The following CDH19 variants were observed in gnomAD, a reference collection of about 807,000 sequenced individuals.
The protein encoded by CDH19 is cadherin-19.
A neutral mutation model predicts 64.2 loss-of-function variants in CDH19; 67 were observed. The ratio of observed to expected loss-of-function variants is 1.04; its 90% CI spans 0.86 to 1.28. The LOEUF (loss-of-function observed/expected upper bound fraction) is 1.28. Ranked by LOEUF, CDH19 falls within the 50% of genes most tolerant of loss-of-function variation. The pLI is 0.00. For missense variants in CDH19, 1,030 were observed against 929.0 expected (o/e 1.11, Z -1.41); for synonymous variants, 346 against 319.3 (o/e 1.08, Z -0.89).
At chr18:66,567,482 G>A (rs1453503357) in intron 3 of CDH19, among the ~76,000 whole-genome samples, 1 of 151,662 alleles carries the variant, frequency 6.6e-6, no homozygotes, top group East Asian at 1.9e-4. Context: ...TATTACACAG[G>A]CAAATTTGTT....
At chr18:66,580,736 G>A (rs1197277482) in intron 1 of CDH19, among the ~76,000 whole-genome samples, 2 of 151,780 alleles carry the variant, frequency 1.3e-5, no homozygotes, top group Non-Finnish European at 2.9e-5. Context: ...TAATTCTAAG[G>A]AAAAAGCCCT....
intron 10 of CDH19, among the ~76,000 whole-genome samples, chr18:66,510,617 AATAAT>A (rs888774096): frequency 1.4e-5 from 2 of 147,360 alleles, no homozygotes; most frequent in African/African-American, 4.9e-5. Flanking sequence ...TAATAATAAT[AATAAT>A]AATAATACAT....
chr18:66,548,561 T>G (rs1987224813), intron 5 of CDH19, among the ~76,000 whole-genome samples: 1 of 152,074 alleles, frequency 6.6e-6, no homozygotes, highest in South Asian at 2.1e-4. Flanking sequence ...AATGGAGCAT[T>G]AAGGTTTTCA....
rs1429366066 is a variant in CDH19 at position 66,503,535 on chromosome 18, G to A, written c.*1277C>T. 6.6e-6 allele frequency: 1 copy of A among 151,408 alleles called. No homozygotes were observed. Among genetic ancestry groups the A allele is most frequent in the Non-Finnish European group, 1.5e-5 (1 of 67,742 alleles). The allele number at this position is 151,408 out of a possible 1,614,324, so 9.4% of individuals were successfully genotyped here. A position where few individuals can be genotyped will look rare whatever the true frequency, so the allele number is the denominator to read the frequency against. ...GTTGTCTAAATAATTTTTAGTAGAG[G>A]TAAAAATTTACTTAAATTTTTCCAC... On this transcript the variant is annotated 3_prime_UTR_variant, in exon 12 of 12. Transcript: ENST00000262150.
intron 5 of CDH19, among the ~76,000 whole-genome samples, chr18:66,547,680 T>A: frequency 7.1e-6 from 1 of 141,140 alleles, no homozygotes; most frequent in African/African-American, 2.7e-5. Context: ...TTTTTTTTTT[T>A]TTTTTGAGAC....
intron 2 of CDH19, 110 bp from the exon 3 acceptor site, chr18:66,568,820 T>C: frequency 1.1e-6 from 1 of 872,476 alleles, no homozygotes; most frequent in Non-Finnish European, 1.7e-6. Context: ...AATGATTTTA[T>C]ATTATTTCCA....
intron 1 of CDH19, among the ~76,000 whole-genome samples, chr18:66,584,768 C>T (rs1381970057): frequency 6.6e-6 from 1 of 152,038 alleles, no homozygotes; most frequent in African/African-American, 2.4e-5. Flanking sequence ...TATTACTTTC[C>T]TGTGTGTTTG....
At chr18:66,533,625 A>ATAGT (rs34793115) in intron 8 of CDH19, among the ~76,000 whole-genome samples, 94,577 of 151,288 alleles carry the variant, frequency 0.63, 30,645 homozygotes, top group African/African-American at 0.79. Context: ...TCACCTTAAA[A>ATAGT]TAGTAGTTTT....
At chr18:66,563,629 T>C (rs1987802585) in intron 3 of CDH19, among the ~76,000 whole-genome samples, 1 of 151,944 alleles carries the variant, frequency 6.6e-6, no homozygotes, top group African/African-American at 2.4e-5. Flanking sequence ...CTCCTTCACA[T>C]TGGGAACTTA....
At chr18:66,547,562 A>T (rs1366308777) in intron 5 of CDH19, among the ~76,000 whole-genome samples, 1 of 152,044 alleles carries the variant, frequency 6.6e-6, no homozygotes, top group African/African-American at 2.4e-5. Context: ...AAGAACATGA[A>T]ACCTGGATGT....
In CDH19 at chr18:66,503,392, C is replaced by G. The variant is rs534804982; in HGVS notation, c.*1420G>C. ...CATCAGTCATATTCCAAGCTCTTAA[C>G]AGAAAAGCAAATACTGAGAATTGTA... On this transcript the variant is annotated 3_prime_UTR_variant, in exon 12 of 12. Coordinates refer to ENST00000262150, the MANE Select transcript of CDH19 (RefSeq NM_021153.4). 2.0e-5 allele frequency: 3 copies of G among 151,696 alleles called. No homozygotes were observed. The East Asian group carries it at 5.8e-4, about 29-fold the overall frequency. The allele number at this position is 151,696 out of a possible 1,614,324, so 9.4% of individuals were successfully genotyped here.
At chr18:66,586,233 T>C (rs962620797) in intron 1 of CDH19, among the ~76,000 whole-genome samples, 2 of 152,044 alleles carry the variant, frequency 1.3e-5, no homozygotes, top group African/African-American at 2.4e-5. Flanking sequence ...AAATGATATA[T>C]CATAGACTTA....
chr18:66,602,135 C>G (rs1037645737), intron 1 of CDH19, among the ~76,000 whole-genome samples: 1 of 151,938 alleles, frequency 6.6e-6, no homozygotes, highest in East Asian at 1.9e-4. Flanking sequence ...GCAATAAATT[C>G]TCATGTAAAG....
intron 5 of CDH19, among the ~76,000 whole-genome samples, chr18:66,550,748 A>G (rs1987308958): frequency 6.6e-6 from 1 of 152,082 alleles, no homozygotes; most frequent in Non-Finnish European, 1.5e-5. Flanking sequence ...CTCTATATAC[A>G]TGTAAACTGA....
chr18:66,548,257 A>AT (rs1213459625), intron 5 of CDH19, among the ~76,000 whole-genome samples: 13 of 84,042 alleles, frequency 1.5e-4, no homozygotes, highest in African/African-American at 4.5e-4. Context: ...ATATATATAT[A>AT]TATATTTTTT....
At chr18:66,572,869 C>T (rs771266001) in intron 1 of CDH19, among the ~76,000 whole-genome samples, 3 of 151,566 alleles carry the variant, frequency 2.0e-5, no homozygotes, top group African/African-American at 4.8e-5. Context: ...GAATAGAAAG[C>T]TTGCATAAGA....
At chr18:66,521,086 A>G (rs1456217407) in intron 9 of CDH19, among the ~76,000 whole-genome samples, 3 of 151,952 alleles carry the variant, frequency 2.0e-5, no homozygotes, top group Non-Finnish European at 4.4e-5. Flanking sequence ...TGAAATTTCT[A>G]TACACACAAG....
At chr18:66,544,689 C>T (rs892938889) in intron 6 of CDH19, 30 bp downstream of exon 6, 7 of 1,507,320 alleles carry the variant, frequency 4.6e-6, no homozygotes, top group Non-Finnish European at 6.3e-6. Flanking sequence ...TTGCGCTATT[C>T]TGCAAGGCAA....
At chr18:66,539,984 T>C (rs1048596643) in intron 7 of CDH19, among the ~76,000 whole-genome samples, 7 of 152,146 alleles carry the variant, frequency 4.6e-5, no homozygotes, top group African/African-American at 1.4e-4. Context: ...AGGCATAGCA[T>C]TGTTCAAAGT....
Sources: gnomAD v4.1 joint callset for allele counts (sites outside exome capture counted in the v4.1 genomes callset) on GRCh38, gnomAD v4.1.1 for gene constraint, MANE v1.5 for transcripts, NCBI Gene and HGNC (gene_info 2026-07-23, HGNC 2026-07-21) for gene names.